The following EYS variants were observed in gnomAD, a reference collection of about 807,000 sequenced individuals.
EYS encodes the protein EGF-like photoreceptor maintenance factor, also known as protein eyes shut homolog.
A neutral mutation model predicts 282.1 loss-of-function variants in EYS; 250 were observed. The observed-to-expected ratio is 0.89, with a 90% CI of 0.80 to 0.98. The LOEUF is 0.98. Ranked by LOEUF, EYS falls within the 50% of genes least tolerant of loss-of-function variation. The pLI is 0.00. For missense variants in EYS, 4,016 were observed against 3,709.0 expected (o/e 1.08, Z -2.15); for synonymous variants, 1,355 against 1,282.9 (o/e 1.06, Z -1.20).
intron 12 of EYS, among the ~76,000 whole-genome samples, chr6:65,112,347 ATG>A (rs2150189772): frequency 6.6e-6 from 1 of 152,264 alleles, no homozygotes; most frequent in Non-Finnish European, 1.5e-5. Context: ...CTCAAATCTC[ATG>A]GCTAAAAAAA....
At chr6:63,970,634 CA>C (rs59815225) in intron 35 of EYS, among the ~76,000 whole-genome samples, 454 of 133,718 alleles carry the variant, frequency 3.4e-3, no homozygotes, top group African/African-American at 5.9e-3. Flanking sequence ...GACTCCATCT[CA>C]AAAAAAAAAA....
intron 31 of EYS, among the ~76,000 whole-genome samples, chr6:64,097,367 A>C (rs112311460): frequency 0.042 from 6,397 of 152,188 alleles, 399 homozygotes; most frequent in African/African-American, 0.14. Flanking sequence ...TCTACAGAGG[A>C]AGGCAGGCCT....
chr6:65,146,126 C>T (rs558628386), intron 12 of EYS, among the ~76,000 whole-genome samples: 1 of 151,488 alleles, frequency 6.6e-6, no homozygotes, highest in South Asian at 2.1e-4. Context: ...AAATATAGCA[C>T]TATTTTGTTG....
chr6:65,333,748 CAT>C (rs542531237), intron 11 of EYS, among the ~76,000 whole-genome samples: 17 of 151,640 alleles, frequency 1.1e-4, no homozygotes, highest in South Asian at 2.1e-4. Flanking sequence ...TATACACACA[CAT>C]ATATGTTTGT....
At chr6:65,267,509 C>T (rs1380120418) in intron 12 of EYS, among the ~76,000 whole-genome samples, 1 of 151,838 alleles carries the variant, frequency 6.6e-6, no homozygotes, top group Non-Finnish European at 1.5e-5. Context: ...GGGGTTTCAC[C>T]CTAGATCTGA....
chr6:64,681,522 G>C (rs1361881963), intron 22 of EYS, among the ~76,000 whole-genome samples: 1 of 152,200 alleles, frequency 6.6e-6, no homozygotes, highest in African/African-American at 2.4e-5. Flanking sequence ...ACAGGCATGA[G>C]TGGGGCTGGC....
At chr6:65,338,262 T>C (rs1232941124) in intron 10 of EYS, among the ~76,000 whole-genome samples, 1 of 151,216 alleles carries the variant, frequency 6.6e-6, no homozygotes, top group Non-Finnish European at 1.5e-5. Context: ...TACTAGAATT[T>C]TGGTTTTCTA....
chr6:64,597,537 T>C (rs1331960278), intron 24 of EYS, among the ~76,000 whole-genome samples: 2 of 152,082 alleles, frequency 1.3e-5, no homozygotes, highest in Non-Finnish European at 2.9e-5. Context: ...ATAAAAAGAA[T>C]TAAATCAGGT....
At chr6:64,670,711 T>C (rs1769425811) in intron 22 of EYS, among the ~76,000 whole-genome samples, 1 of 152,214 alleles carries the variant, frequency 6.6e-6, no homozygotes, top group African/African-American at 2.4e-5. Flanking sequence ...AGAATCTTGG[T>C]TGTCCTAGTG....
intron 30 of EYS, among the ~76,000 whole-genome samples, chr6:64,267,338 T>C (rs1767794666): frequency 1.3e-5 from 2 of 152,070 alleles, no homozygotes; most frequent in South Asian, 4.1e-4. Context: ...ATGGGCTCTG[T>C]GCCTCTTCTA....
At chr6:64,532,582 G>A (rs538651483) in intron 26 of EYS, among the ~76,000 whole-genome samples, 1 of 152,096 alleles carries the variant, frequency 6.6e-6, no homozygotes, top group East Asian at 1.9e-4. Context: ...GGTGGCAGGC[G>A]CCCGTAGTCC....
chr6:65,265,476 TGACTGGACCTGGAAC>T (rs1215584593), intron 12 of EYS, among the ~76,000 whole-genome samples: 11 of 152,024 alleles, frequency 7.2e-5, no homozygotes, highest in Non-Finnish European at 1.3e-4. Context: ...AGATGTTTGC[TGACTGGACCTGGAAC>T]ATGTGAATAT....
At chr6:64,971,182 GAGAAGCAGCTTCTGCTGCCCA>G (rs1214454592) in intron 14 of EYS, among the ~76,000 whole-genome samples, 82 of 152,182 alleles carry the variant, frequency 5.4e-4, no homozygotes, top group African/African-American at 1.9e-3. Flanking sequence ...AAGATAACAG[GAGAAGCAGCTTCTGCTGCCCA>G]AGAGGCAGCA....
chr6:65,315,217 A>G (rs1450937988), intron 11 of EYS, among the ~76,000 whole-genome samples: 1 of 152,132 alleles, frequency 6.6e-6, no homozygotes, highest in Admixed American at 6.6e-5. Context: ...TAATTCATAG[A>G]CATTCTAATT....
chr6:64,104,206 A>C (rs1286662233), intron 31 of EYS, among the ~76,000 whole-genome samples: 1 of 152,154 alleles, frequency 6.6e-6, no homozygotes, highest in African/African-American at 2.4e-5. Flanking sequence ...AAGTTGGGTA[A>C]AGATAAGATG....
At chr6:64,096,328 T>C (rs1385819364) in intron 31 of EYS, among the ~76,000 whole-genome samples, 1 of 152,226 alleles carries the variant, frequency 6.6e-6, no homozygotes, top group Non-Finnish European at 1.5e-5. Context: ...TTCTCCTGGA[T>C]AATATACTGC....
At chr6:65,009,813 C>A (rs543500187) in intron 13 of EYS, among the ~76,000 whole-genome samples, 1 of 152,276 alleles carries the variant, frequency 6.6e-6, no homozygotes, top group African/African-American at 2.4e-5. Flanking sequence ...ATACTTAGGG[C>A]TAAAATCATC....
intron 19 of EYS, among the ~76,000 whole-genome samples, chr6:64,868,063 G>A (rs1766479707): frequency 6.6e-6 from 1 of 150,860 alleles, no homozygotes; most frequent in Non-Finnish European, 1.5e-5. Flanking sequence ...AAGAAAAGAT[G>A]GCATATTTCA....
chr6:63,901,880 G>T (rs949858538), intron 35 of EYS, among the ~76,000 whole-genome samples: 1 of 151,954 alleles, frequency 6.6e-6, no homozygotes, highest in South Asian at 2.1e-4. Context: ...TTCAGATTTT[G>T]GATTTTTATT....
Sources: gnomAD v4.1 joint callset for allele counts (sites outside exome capture counted in the v4.1 genomes callset) on GRCh38, gnomAD v4.1.1 for gene constraint, MANE v1.5 for transcripts, NCBI Gene and HGNC (gene_info 2026-07-23, HGNC 2026-07-21) for gene names.